Variants in TRAK2 observed in about 807,000 individuals in gnomAD.
The protein encoded by TRAK2 is trafficking kinesin protein 2.
A neutral mutation model predicts 104.6 loss-of-function variants in TRAK2; 81 were observed. That is an observed-to-expected ratio of 0.77 (90% CI 0.65 to 0.93). The LOEUF is 0.93. Ranked by LOEUF, TRAK2 falls within the 40% of genes least tolerant of loss-of-function variation. The probability of loss-of-function intolerance (pLI) is 0.00; values close to 1 mark genes in which losing one functional copy is unlikely to be tolerated. For synonymous variants in TRAK2, 406 were observed against 394.4 expected, an observed-to-expected ratio of 1.03 and a Z score of -0.35; for missense variants, 1,002 against 1,089.0, an observed-to-expected ratio of 0.92 and a Z score of 1.12.
At chr2:201,419,687 G>A (rs994279025) in intron 2 of TRAK2, among the ~76,000 whole-genome samples, 5 of 152,134 alleles carry the variant, frequency 3.3e-5, no homozygotes, top group Non-Finnish European at 7.4e-5. Flanking sequence ...CTTAAAATGA[G>A]TGTATTTTAT....
chr2:201,390,002 G>T, intron 10 of TRAK2, 122 bp from the exon 11 acceptor site: 1 of 625,918 alleles, frequency 1.6e-6, no homozygotes, highest in Non-Finnish European at 2.7e-6. Context: ...TAACATTCAG[G>T]GGAAAAAAGA....
At position 201,410,102 on chromosome 2, in the gene TRAK2, C is replaced by A. The variant is rs369148450; in HGVS notation, c.92-2505G>T. On this transcript the variant is annotated intron_variant, in intron 2 of 15. Transcript: ENST00000332624. ...CACGAGGTCAGGAGAGCGAGACCAT[C>A]CTGGCTAACACGGTGAAACCCTGTC... 5.3e-5 allele frequency among the ~76,000 whole-genome samples: 8 copies of A among 152,282 alleles called. No individual in the cohort carries two copies. In the East Asian group the frequency reaches 1.4e-3, roughly 26 times the overall value.
chr2:201,420,471 T>C lies in TRAK2; in HGVS notation c.37A>G (p.Thr13Ala), dbSNP rs770020766. Residue 13 changes from threonine (T) to alanine (A), a missense_variant, in exon 2 of 16, where the codon ACA (threonine) becomes GCA (alanine). Thr to Ala is a moderately conservative substitution (Grantham distance 58). Transcript: ENST00000332624. ...QSQNAIFTSP[T>A]GEENLMNSNH... ...CTATTCATGAGGTTTTCTTCACCTG[T>C]TGGTGATGTAAAAATTGCATTCTGG... 4 of 1,614,116 alleles carry C rather than the reference T, an allele frequency of 2.5e-6. No individual in the cohort carries two copies. The highest frequency in any genetic ancestry group is 3.4e-6 in the Non-Finnish European group (4 of 1,179,958).
At position 201,411,307 on chromosome 2, in the gene TRAK2, C is replaced by T. The variant is rs1011200829; in HGVS notation, c.92-3710G>A. 4.0e-6 allele frequency: 3 copies of T among 755,176 alleles called. No individual in the cohort carries two copies. The African/African-American group carries it at 5.2e-5, about 13-fold the overall frequency. The allele number at this position is 755,176 out of a possible 1,614,324, so 46.8% of individuals were successfully genotyped here. Reference sequence around the variant, plus strand: ...TGTTTTTCTTCAAGTGTAAGTGATGCTCTTTTATGTTTATTCTGAAACCCA... The same window carrying T: ...TGTTTTTCTTCAAGTGTAAGTGATGTTCTTTTATGTTTATTCTGAAACCCA... On this transcript the variant is annotated intron_variant, in intron 2 of 15. Transcript: ENST00000332624.
intron 1 of TRAK2, among the ~76,000 whole-genome samples, chr2:201,422,325 A>C (rs955249256): frequency 6.6e-6 from 1 of 152,232 alleles, no homozygotes; most frequent in Non-Finnish European, 1.5e-5. Context: ...ACAAAGGAAT[A>C]CAATGTACTA....
At position 201,379,416 on chromosome 2, in the gene TRAK2, C is replaced by T. The variant is rs1426599213; in HGVS notation, c.*1127G>A. The T allele has an allele frequency of 1.3e-5, 2 of 152,566 alleles. No homozygotes were observed. The highest frequency in any genetic ancestry group is 2.9e-5 in the Non-Finnish European group (2 of 68,016). 9.5% of individuals were successfully genotyped at this position (152,566 alleles called of 1,614,324 possible). The stretch of plus-strand genomic sequence containing the variant: ...GGCAGATGTGTTTTATTTTATTTTA[C>T]ATTAGGAAGAAAAAACCACAATCTC... On this transcript the variant is annotated 3_prime_UTR_variant, in exon 16 of 16. Transcript: ENST00000332624.
intron 9 of TRAK2, among the ~76,000 whole-genome samples, chr2:201,393,643 T>C (rs530070420): frequency 5.3e-5 from 8 of 152,314 alleles, no homozygotes; most frequent in East Asian, 1.9e-4. Context: ...GGGTTGAAGA[T>C]GCTTATTAAA....
At chr2:201,408,872 A>G (rs1196763428) in intron 2 of TRAK2, among the ~76,000 whole-genome samples, 1 of 152,242 alleles carries the variant, frequency 6.6e-6, no homozygotes, top group Non-Finnish European at 1.5e-5. Flanking sequence ...AAAGTCATTA[A>G]ATTTTTTTAA....
intron 12 of TRAK2, among the ~76,000 whole-genome samples, chr2:201,388,930 GAATT>G (rs1205933848): frequency 6.6e-6 from 1 of 151,568 alleles, no homozygotes; most frequent in Admixed American, 6.6e-5. Flanking sequence ...TCAATGTACT[GAATT>G]AATAAAAGGA....
chr2:201,445,201 A>G (rs573972615), intron 1 of TRAK2, among the ~76,000 whole-genome samples: 1 of 152,326 alleles, frequency 6.6e-6, no homozygotes, highest in South Asian at 2.1e-4. Context: ...GTGAGTCAGT[A>G]GTAAAGCTAA....
rs3832088 is a variant in TRAK2, at chr2:201,381,221, T to TAA, written c.2070-5_2070-4dup. The stretch of plus-strand genomic sequence containing the variant: ...AGGATAATGAAGGGAACCCAGAGCT[T>TAA]AAAAAAAAAAAAAAAAAGTGGGAGA... On this transcript the variant is annotated splice_polypyrimidine_tract_variant and splice_region_variant and intron_variant, in intron 15 of 15. Coordinates refer to ENST00000332624, the MANE Select transcript of TRAK2 (RefSeq NM_015049.3). 573 of 1,518,914 alleles carry TAA rather than the reference T, an allele frequency of 3.8e-4. No homozygotes were observed. Among genetic ancestry groups the TAA allele is most frequent in the East Asian group, 1.2e-3 (50 of 42,644 alleles). The allele number at this position is 1,518,914 out of a possible 1,614,324, so 94.1% of individuals were successfully genotyped here.
At chr2:201,437,429 G>T (rs1030807867) in intron 1 of TRAK2, among the ~76,000 whole-genome samples, 8 of 151,970 alleles carry the variant, frequency 5.3e-5, no homozygotes, top group Non-Finnish European at 1.0e-4. Flanking sequence ...ACCCAAATTG[G>T]CATTTTGTGA....
At chr2:201,409,042 C>T (rs1951621213) in intron 2 of TRAK2, among the ~76,000 whole-genome samples, 1 of 152,244 alleles carries the variant, frequency 6.6e-6, no homozygotes, top group South Asian at 2.1e-4. Context: ...CTATCCTTCA[C>T]ATAACATAAA....
At chr2:201,414,247 T>C (rs562265012) in intron 2 of TRAK2, among the ~76,000 whole-genome samples, 1 of 152,292 alleles carries the variant, frequency 6.6e-6, no homozygotes, top group South Asian at 2.1e-4. Flanking sequence ...GTACTGCCCA[T>C]CATTTAACAC....
rs1466218299 is a variant in TRAK2 at position 201,378,830 on chromosome 2, T to C, written c.*1713A>G. ...TAAAAAGTATAAGAAACTAACAAAT[T>C]TTTACCACTGCATTCATGTTGGCTT... On this transcript the variant is annotated 3_prime_UTR_variant, in exon 16 of 16. Coordinates refer to ENST00000332624, the MANE Select transcript of TRAK2 (RefSeq NM_015049.3). The C allele has an allele frequency of 6.6e-6, 1 of 152,098 alleles. No individual in the cohort carries two copies. The highest frequency in any genetic ancestry group is 1.5e-5 in the Non-Finnish European group (1 of 68,022). The allele number at this position is 152,098 out of a possible 1,614,324, so 9.4% of individuals were successfully genotyped here.
At chr2:201,417,157 T>G (rs1025560238) in intron 2 of TRAK2, among the ~76,000 whole-genome samples, 6 of 142,716 alleles carry the variant, frequency 4.2e-5, no homozygotes, top group Non-Finnish European at 9.2e-5. Flanking sequence ...CACAAACTTT[T>G]TCCAAACACA....
At chr2:201,394,905 T>C (rs780479892) in intron 8 of TRAK2, 33 bp from the exon 9 acceptor site, 4 of 1,557,022 alleles carry the variant, frequency 2.6e-6, no homozygotes, top group Admixed American at 1.7e-5. Flanking sequence ...ATGTGAAGCC[T>C]TTCCAAGTAA....
At chr2:201,445,834 T>C (rs1011866527) in intron 1 of TRAK2, among the ~76,000 whole-genome samples, 1 of 152,214 alleles carries the variant, frequency 6.6e-6, no homozygotes, top group African/African-American at 2.4e-5. Flanking sequence ...CATTTCTAAA[T>C]AGAAGTGACA....
chr2:201,412,450 A>G, intron 2 of TRAK2: 1 of 1,216,452 alleles, frequency 8.2e-7, no homozygotes, highest in Non-Finnish European at 1.2e-6. Context: ...ACTAGATCCT[A>G]AATAACTCAA....
Sources: allele counts gnomAD v4.1 joint callset (sites outside exome capture counted in the v4.1 genomes callset), GRCh38; gene constraint gnomAD v4.1.1; transcripts MANE v1.5; gene names NCBI Gene and HGNC (gene_info 2026-07-23, HGNC 2026-07-21).